CACNA2D3: variants seen among roughly 807,000 people sequenced by gnomAD.
CACNA2D3 encodes the protein calcium voltage-gated channel auxiliary subunit alpha2delta 3, also known as voltage-dependent calcium channel subunit alpha-2/delta-3.
Under a neutral mutation model 160.6 loss-of-function variants are expected in CACNA2D3, and 60 were observed. The observed-to-expected ratio is 0.37, with a 90% CI of 0.30 to 0.46. The LOEUF (loss-of-function observed/expected upper bound fraction) is 0.46. Ranked by LOEUF, CACNA2D3 falls within the 20% of genes least tolerant of loss-of-function variation. The probability of loss-of-function intolerance (pLI) is 1.00; values close to 1 mark genes in which losing one functional copy is unlikely to be tolerated. For missense variants in CACNA2D3, 1,205 were observed against 1,365.0 expected, an observed-to-expected ratio of 0.88 and a Z score of 1.85; for synonymous variants, 558 against 492.9, an observed-to-expected ratio of 1.13 and a Z score of -1.75.
chr3:54,859,972 GCACACACA>G (rs1553891454), intron 17 of CACNA2D3, among the ~76,000 whole-genome samples: 118 of 133,884 alleles, frequency 8.8e-4, no homozygotes, highest in Middle Eastern at 3.8e-3. Flanking sequence ...GAAAGTAGAT[GCACACACA>G]CACACACACA....
intron 10 of CACNA2D3, among the ~76,000 whole-genome samples, chr3:54,634,167 A>T (rs1699309092): frequency 6.6e-6 from 1 of 152,222 alleles, no homozygotes; most frequent in Non-Finnish European, 1.5e-5. Flanking sequence ...GTGGCCAGCC[A>T]GCAAAGCCAA....
chr3:54,306,717 G>A (rs1357434560), intron 2 of CACNA2D3, among the ~76,000 whole-genome samples: 1 of 152,220 alleles, frequency 6.6e-6, no homozygotes, highest in Non-Finnish European at 1.5e-5. Flanking sequence ...GATCGTGGCA[G>A]TGCCTGATTG....
chr3:54,850,640 G>A (rs1391402858), intron 17 of CACNA2D3, among the ~76,000 whole-genome samples: 1 of 152,178 alleles, frequency 6.6e-6, no homozygotes, highest in Non-Finnish European at 1.5e-5. Flanking sequence ...AGGAGGTCTG[G>A]AATGTGGACC....
rs9861078 is a variant in CACNA2D3, at chr3:54,132,337, A to G, written c.204+8743A>G. 8.2e-3 allele frequency among the ~76,000 whole-genome samples: 1,251 copies of G among 152,348 alleles called. 15 individuals carry two copies. Among genetic ancestry groups the G allele is most frequent in the African/African-American group, 0.026 (1,062 of 41,568 alleles). On this transcript the variant is annotated intron_variant, in intron 2 of 37. Transcript: ENST00000474759. ...TCAGACAAATCATTATCTGGCAACC[A>G]ATAAAGGGTGTTTGTGTGCGGGTGT...
intron 27 of CACNA2D3, among the ~76,000 whole-genome samples, chr3:54,948,969 C>G (rs148017517): frequency 1.3e-5 from 2 of 152,324 alleles, no homozygotes; most frequent in East Asian, 3.9e-4. Flanking sequence ...TTATAACCAG[C>G]TTCAGGTACA....
chr3:55,036,616 T>C lies in CACNA2D3; in HGVS notation c.2987+18299T>C, dbSNP rs564238010. On this transcript the variant is annotated intron_variant, in intron 35 of 37. Transcript: ENST00000474759. ...CCAAGTAACTGGGATTACAGGCGTG[T>C]GCCACCACGCCCAACTAGTTGTTGT... 7.5e-4 allele frequency among the ~76,000 whole-genome samples: 114 copies of C among 151,676 alleles called. 1 individual carries two copies. Among genetic ancestry groups the C allele is most frequent in the African/African-American group, 2.6e-3 (108 of 41,468 alleles).
At chr3:54,370,636 C>T (rs779149720) in intron 3 of CACNA2D3, among the ~76,000 whole-genome samples, 17 of 151,974 alleles carry the variant, frequency 1.1e-4, no homozygotes, top group Non-Finnish European at 2.4e-4. Flanking sequence ...CTTATTGTAC[C>T]CATTAAAGAA....
chr3:54,917,880 A>G (rs1039743469), intron 27 of CACNA2D3, among the ~76,000 whole-genome samples: 1 of 152,200 alleles, frequency 6.6e-6, no homozygotes, highest in Non-Finnish European at 1.5e-5. Flanking sequence ...TAGAAAATGA[A>G]ATAGACTTTG....
At chr3:54,749,461 C>T (rs989157311) in intron 11 of CACNA2D3, among the ~76,000 whole-genome samples, 5 of 152,196 alleles carry the variant, frequency 3.3e-5, no homozygotes, top group Admixed American at 1.3e-4. Flanking sequence ...GTACTCTCTT[C>T]TACCACTTCT....
At chr3:54,271,986 A>G (rs1439108390) in intron 2 of CACNA2D3, among the ~76,000 whole-genome samples, 2 of 152,236 alleles carry the variant, frequency 1.3e-5, no homozygotes, top group Non-Finnish European at 2.9e-5. Context: ...GATAGTGATC[A>G]GGGAGCGAGC....
In CACNA2D3 at chr3:54,661,104, A is replaced by G. The variant is rs60649256; in HGVS notation, c.1167+18863A>G. Among the ~76,000 whole-genome samples, 3 of 152,198 alleles carry G rather than the reference A, an allele frequency of 2.0e-5. 1 individual carries two copies. The South Asian group carries it at 6.2e-4, about 32-fold the overall frequency. On this transcript the variant is annotated intron_variant, in intron 11 of 37. Coordinates refer to ENST00000474759, the MANE Select transcript of CACNA2D3 (RefSeq NM_018398.3). The stretch of plus-strand genomic sequence containing the variant: ...ACTGAAAGTAAGATGTCGAGGGAGG[A>G]TTAGCCAAATGGCCAGGAAGGCTTC...
At chr3:54,882,386 C>T (rs1454467461) in intron 21 of CACNA2D3, among the ~76,000 whole-genome samples, 2 of 152,236 alleles carry the variant, frequency 1.3e-5, no homozygotes, top group African/African-American at 4.8e-5. Context: ...CTCTCTCTCT[C>T]TCACACACAC....
chr3:54,244,921 T>C (rs1217391539), intron 2 of CACNA2D3, among the ~76,000 whole-genome samples: 1 of 152,258 alleles, frequency 6.6e-6, no homozygotes, highest in Non-Finnish European at 1.5e-5. Context: ...ATTGAAGTTC[T>C]AGTAATTATA....
intron 13 of CACNA2D3, among the ~76,000 whole-genome samples, chr3:54,783,054 T>C (rs941754905): frequency 2.0e-5 from 3 of 152,052 alleles, no homozygotes; most frequent in African/African-American, 4.8e-5. Context: ...CCTAAGGAAA[T>C]GGGATAATTC....
chr3:54,291,867 G>A (rs965712322), intron 2 of CACNA2D3, among the ~76,000 whole-genome samples: 1 of 152,148 alleles, frequency 6.6e-6, no homozygotes, highest in African/African-American at 2.4e-5. Context: ...GTTACGTGCT[G>A]AACACTGTGC....
At chr3:54,169,741 G>A (rs1331413126) in intron 2 of CACNA2D3, among the ~76,000 whole-genome samples, 4 of 151,898 alleles carry the variant, frequency 2.6e-5, no homozygotes, top group African/African-American at 9.7e-5. Flanking sequence ...GTGTGTGCGA[G>A]TGTGCATGTG....
intron 14 of CACNA2D3, among the ~76,000 whole-genome samples, chr3:54,818,086 C>T (rs765202426): frequency 2.6e-5 from 4 of 152,166 alleles, no homozygotes; most frequent in Non-Finnish European, 2.9e-5. Flanking sequence ...GACCAGCTTC[C>T]ACTTATTGAC....
At chr3:54,985,026 G>T (rs932100348) in intron 30 of CACNA2D3, among the ~76,000 whole-genome samples, 6 of 152,114 alleles carry the variant, frequency 3.9e-5, no homozygotes, top group African/African-American at 1.4e-4. Flanking sequence ...CAACTTTAAG[G>T]TTTTTTTCCT....
At chr3:54,704,961 C>G (rs143100140) in intron 11 of CACNA2D3, among the ~76,000 whole-genome samples, 3 of 152,002 alleles carry the variant, frequency 2.0e-5, no homozygotes, top group African/African-American at 7.2e-5. Context: ...AATGGACTTT[C>G]CTGGGGGGCT....
Sources: gnomAD v4.1 joint callset for allele counts (sites outside exome capture counted in the v4.1 genomes callset) on GRCh38, gnomAD v4.1.1 for gene constraint, MANE v1.5 for transcripts, NCBI Gene and HGNC (gene_info 2026-07-23, HGNC 2026-07-21) for gene names.